The following CAMKMT variants were observed in gnomAD, a reference collection of about 807,000 sequenced individuals.
CAMKMT encodes the protein calmodulin-lysine N-methyltransferase.
Under a neutral mutation model 48.0 loss-of-function variants are expected in CAMKMT, and 53 were observed. The observed-to-expected ratio is 1.10, with a 90% CI of 0.89 to 1.39. CAMKMT has a LOEUF of 1.39. Among genes scored for constraint, CAMKMT ranks in the 40% most tolerant of loss-of-function variants. CAMKMT has a pLI of 0.00. For missense variants in CAMKMT, 428 were observed against 402.7 expected (o/e 1.06, Z -0.54); for synonymous variants, 165 against 152.3 (o/e 1.08, Z -0.61).
At chr2:44,376,477 T>C (rs1027579768) in intron 2 of CAMKMT, among the ~76,000 whole-genome samples, 1 of 151,438 alleles carries the variant, frequency 6.6e-6, no homozygotes, top group East Asian at 1.9e-4. Flanking sequence ...CAAATCATAA[T>C]TGTAAACCCC....
chr2:44,578,054 G>A (rs1300876304), intron 3 of CAMKMT, among the ~76,000 whole-genome samples: 1 of 152,160 alleles, frequency 6.6e-6, no homozygotes, highest in Non-Finnish European at 1.5e-5. Context: ...AATAAAATGT[G>A]TATGCTTTTC....
intron 9 of CAMKMT, among the ~76,000 whole-genome samples, chr2:44,760,058 A>G (rs1162917487): frequency 4.6e-5 from 7 of 152,140 alleles, no homozygotes; most frequent in African/African-American, 1.7e-4. Flanking sequence ...GTGGGCTAGG[A>G]GAATGAATAT....
chr2:44,485,596 C>T (rs1343304789), intron 3 of CAMKMT, among the ~76,000 whole-genome samples: 1 of 152,166 alleles, frequency 6.6e-6, no homozygotes, highest in Non-Finnish European at 1.5e-5. Flanking sequence ...GTGGTATAGC[C>T]TGCCGCTCTG....
chr2:44,448,728 TATTCTG>T (rs1667135843), intron 3 of CAMKMT, among the ~76,000 whole-genome samples: 1 of 152,216 alleles, frequency 6.6e-6, no homozygotes, highest in East Asian at 1.9e-4. Flanking sequence ...TATAAACTGT[TATTCTG>T]AGGCATTATT....
rs567482381 is a variant in CAMKMT at position 44,707,342 on chromosome 2, T to C, written c.493-57T>C. On this transcript the variant is annotated intron_variant, in intron 5 of 10. Coordinates refer to ENST00000378494, the MANE Select transcript of CAMKMT (RefSeq NM_024766.5). ...GAAGGCTTGTCACTCCTGTCTTCAC[T>C]TCCACACAGACAAGCATATTTGCTC... The C allele has an allele frequency of 1.1e-5, 17 of 1,508,824 alleles. No individual in the cohort carries two copies. In the South Asian group the frequency reaches 1.1e-4, roughly 10 times the overall value. The allele number at this position is 1,508,824 out of a possible 1,614,324, so 93.5% of individuals were successfully genotyped here. A position where few individuals can be genotyped will look rare whatever the true frequency, so the allele number is the denominator to read the frequency against.
chr2:44,400,803 A>T (rs916564922), intron 3 of CAMKMT: 1 of 151,368 alleles, frequency 6.6e-6, no homozygotes, highest in African/African-American at 2.4e-5. Context: ...TATTTTTGAA[A>T]CATACTTATT....
chr2:44,404,696 T>C (rs1263229345), intron 3 of CAMKMT, among the ~76,000 whole-genome samples: 3 of 152,132 alleles, frequency 2.0e-5, no homozygotes, highest in Non-Finnish European at 4.4e-5. Flanking sequence ...TTGTTGCCTC[T>C]GTCACTTAAT....
chr2:44,384,130 G>T (rs949390561), intron 2 of CAMKMT, among the ~76,000 whole-genome samples: 2 of 152,124 alleles, frequency 1.3e-5, no homozygotes, highest in African/African-American at 4.8e-5. Flanking sequence ...ATCCACGCCA[G>T]TATCTATTGT....
At chr2:44,769,127 T>TA (rs200150530) in intron 10 of CAMKMT, among the ~76,000 whole-genome samples, 20,720 of 134,038 alleles carry the variant, frequency 0.15, 1,525 homozygotes, top group South Asian at 0.22. Context: ...TAGTGCAAGG[T>TA]AAAAAAAAAA....
At chr2:44,439,308 C>T (rs562243366) in intron 3 of CAMKMT, among the ~76,000 whole-genome samples, 1 of 152,182 alleles carries the variant, frequency 6.6e-6, no homozygotes, top group Non-Finnish European at 1.5e-5. Context: ...TTAATCCTCT[C>T]TCTCTCCTAC....
At chr2:44,456,494 A>C (rs150612871) in intron 3 of CAMKMT, 1 of 1,523,948 alleles carries the variant, frequency 6.6e-7, no homozygotes, top group East Asian at 2.5e-5. Context: ...GAAGAAACAA[A>C]AAGACCTTGG....
chr2:44,696,827 A>G (rs1323596831), intron 3 of CAMKMT, among the ~76,000 whole-genome samples: 3 of 152,196 alleles, frequency 2.0e-5, no homozygotes, highest in Non-Finnish European at 4.4e-5. Flanking sequence ...AAAAGAAACT[A>G]TAATTAATAC....
chr2:44,635,121 A>C (rs112811324), intron 3 of CAMKMT, among the ~76,000 whole-genome samples: 1 of 152,242 alleles, frequency 6.6e-6, no homozygotes, highest in Non-Finnish European at 1.5e-5. Flanking sequence ...CAAGGTGTTA[A>C]GTGTTGAGCA....
chr2:44,641,400 C>G (rs965980543), intron 3 of CAMKMT, among the ~76,000 whole-genome samples: 1 of 152,120 alleles, frequency 6.6e-6, no homozygotes, highest in African/African-American at 2.4e-5. Context: ...GTATTAGGAA[C>G]AGCAGTTTTC....
intron 3 of CAMKMT, among the ~76,000 whole-genome samples, chr2:44,534,900 A>C (rs1666684587): frequency 6.6e-6 from 1 of 152,116 alleles, no homozygotes; most frequent in East Asian, 1.9e-4. Flanking sequence ...AAGAATATAG[A>C]GATTATCAAA....
At chr2:44,533,164 A>G (rs189860857) in intron 3 of CAMKMT, among the ~76,000 whole-genome samples, 35 of 152,210 alleles carry the variant, frequency 2.3e-4, no homozygotes, top group African/African-American at 8.4e-4. Context: ...TAGAAATACA[A>G]CTTTAAGATG....
chr2:44,754,506 T>C (rs1234774481), intron 9 of CAMKMT, among the ~76,000 whole-genome samples: 3 of 152,246 alleles, frequency 2.0e-5, no homozygotes, highest in African/African-American at 4.8e-5. Flanking sequence ...ACCTTTCTCA[T>C]TGGTTATTTA....
intron 7 of CAMKMT, among the ~76,000 whole-genome samples, chr2:44,715,771 A>T (rs898851204): frequency 6.6e-6 from 1 of 151,912 alleles, no homozygotes; most frequent in Non-Finnish European, 1.5e-5. Flanking sequence ...GAGAGCGGGG[A>T]ATGTTGCTAC....
chr2:44,378,099 G>C lies in CAMKMT; in HGVS notation c.311+5211G>C, dbSNP rs577011452. 3.9e-5 allele frequency among the ~76,000 whole-genome samples: 6 copies of C among 152,228 alleles called. No individual in the cohort carries two copies. In the East Asian group the frequency reaches 1.2e-3, roughly 29 times the overall value. On this transcript the variant is annotated intron_variant, in intron 2 of 10. Transcript: ENST00000378494. Reference sequence around the variant, plus strand: ...GTTAGTAGTGATATTAACAACAGAGGTGATTATAGCAATAAAACAACGTTT... The same window carrying C: ...GTTAGTAGTGATATTAACAACAGAGCTGATTATAGCAATAAAACAACGTTT...
Sources: allele counts gnomAD v4.1 joint callset (sites outside exome capture counted in the v4.1 genomes callset), GRCh38; gene constraint gnomAD v4.1.1; transcripts MANE v1.5; gene names NCBI Gene and HGNC (gene_info 2026-07-23, HGNC 2026-07-21).